GNA14: variants seen among roughly 807,000 people sequenced by gnomAD.
GNA14 encodes guanine nucleotide-binding protein subunit alpha-14.
In GNA14, 50 loss-of-function variants were observed where a neutral mutation model predicts 42.0. That is an observed-to-expected ratio of 1.19 (90% CI 0.95 to 1.51). The LOEUF is 1.51. GNA14 is among the 40% of genes most tolerant of loss of function. The probability of loss-of-function intolerance (pLI) is 0.00; values close to 1 mark genes in which losing one functional copy is unlikely to be tolerated. For synonymous variants in GNA14, 173 were observed against 163.1 expected (o/e 1.06, Z -0.46); for missense variants, 473 against 446.2 (o/e 1.06, Z -0.54).
At chr9:77,564,973 A>AC (rs1257545313) in intron 1 of GNA14, among the ~76,000 whole-genome samples, 50 of 152,246 alleles carry the variant, frequency 3.3e-4, no homozygotes, top group South Asian at 8.3e-4. Flanking sequence ...GTGAATATAC[A>AC]CATCTATGAA....
At chr9:77,615,509 T>C (rs1347865757) in intron 1 of GNA14, among the ~76,000 whole-genome samples, 2 of 152,128 alleles carry the variant, frequency 1.3e-5, no homozygotes, top group African/African-American at 4.8e-5. Flanking sequence ...ACATTCAGCA[T>C]GTACTTCCTT....
intron 1 of GNA14, among the ~76,000 whole-genome samples, chr9:77,621,295 A>T (rs540966303): frequency 6.6e-6 from 1 of 152,268 alleles, no homozygotes; most frequent in African/African-American, 2.4e-5. Context: ...AATGAAGATA[A>T]TTTTTTTGGA....
intron 2 of GNA14, among the ~76,000 whole-genome samples, chr9:77,445,396 G>A (rs946275681): frequency 2.0e-5 from 3 of 150,846 alleles, no homozygotes; most frequent in African/African-American, 4.9e-5. Flanking sequence ...GCGTGTATTC[G>A]GCCAGTGGAG....
intron 2 of GNA14, among the ~76,000 whole-genome samples, chr9:77,450,862 C>G (rs2131703707): frequency 6.6e-6 from 1 of 152,030 alleles, no homozygotes; most frequent in African/African-American, 2.4e-5. Flanking sequence ...GTGAATAAGG[C>G]TCACAAGATC....
At chr9:77,575,375 T>G (rs1267884065) in intron 1 of GNA14, among the ~76,000 whole-genome samples, 3 of 151,988 alleles carry the variant, frequency 2.0e-5, no homozygotes, top group Non-Finnish European at 2.9e-5. Context: ...AGAGTGAAAC[T>G]CCATCTCAAA....
chr9:77,519,666 GGAGGA>G (rs1195605785), intron 2 of GNA14, among the ~76,000 whole-genome samples: 2 of 152,070 alleles, frequency 1.3e-5, no homozygotes, highest in Non-Finnish European at 2.9e-5. Flanking sequence ...AGGTGGTGAG[GGAGGA>G]GAGATTACTT....
intron 1 of GNA14, among the ~76,000 whole-genome samples, chr9:77,641,485 C>G (rs879578974): frequency 1.3e-5 from 2 of 151,248 alleles, no homozygotes; most frequent in African/African-American, 4.9e-5. Flanking sequence ...CACAACAGCA[C>G]GTATCCAGTG....
intron 2 of GNA14, among the ~76,000 whole-genome samples, chr9:77,510,823 T>C (rs1276865938): frequency 6.6e-6 from 1 of 151,918 alleles, no homozygotes; most frequent in Non-Finnish European, 1.5e-5. Context: ...GGTTGGAAAG[T>C]TTCCATGCAG....
chr9:77,453,108 C>G (rs988279951), intron 2 of GNA14, among the ~76,000 whole-genome samples: 15 of 152,208 alleles, frequency 9.9e-5, no homozygotes, highest in African/African-American at 3.6e-4. Context: ...CCACTGCACT[C>G]TAGCCTGGGT....
chr9:77,446,410 C>T (rs1280156102), intron 2 of GNA14, among the ~76,000 whole-genome samples: 1 of 152,202 alleles, frequency 6.6e-6, no homozygotes, highest in East Asian at 1.9e-4. Flanking sequence ...AGGATGGCCG[C>T]GGGTCCAGTA....
At chr9:77,449,904 C>T (rs1265816632) in intron 2 of GNA14, among the ~76,000 whole-genome samples, 1 of 152,202 alleles carries the variant, frequency 6.6e-6, no homozygotes, top group Non-Finnish European at 1.5e-5. Context: ...TAGACATTCC[C>T]TGTGTGTGCC....
chr9:77,435,042 C>A (rs1007765084), intron 2 of GNA14, among the ~76,000 whole-genome samples: 1 of 112,342 alleles, frequency 8.9e-6, no homozygotes, highest in Admixed American at 9.7e-5. Context: ...GGATTTTGTT[C>A]TTTCATTTAA....
intron 2 of GNA14, among the ~76,000 whole-genome samples, chr9:77,479,482 C>G (rs1217199626): frequency 6.6e-6 from 1 of 152,142 alleles, no homozygotes; most frequent in Non-Finnish European, 1.5e-5. Context: ...GTTCTTTTGG[C>G]TTAGGATTGA....
At chr9:77,480,782 G>C (rs1836535884) in intron 2 of GNA14, among the ~76,000 whole-genome samples, 1 of 152,190 alleles carries the variant, frequency 6.6e-6, no homozygotes, top group Admixed American at 6.5e-5. Flanking sequence ...TTGGGAGGGT[G>C]TATGTGTTGA....
chr9:77,435,305 C>T (rs1003147897), intron 2 of GNA14, among the ~76,000 whole-genome samples: 10 of 151,770 alleles, frequency 6.6e-5, no homozygotes, highest in African/African-American at 2.4e-4. Context: ...TGCAGTGAGC[C>T]GAGATGGTGC....
intron 2 of GNA14, among the ~76,000 whole-genome samples, chr9:77,464,224 C>A (rs991943845): frequency 6.6e-6 from 1 of 152,170 alleles, no homozygotes; most frequent in African/African-American, 2.4e-5. Context: ...TGGTCTTGAA[C>A]TCCTGGCCTC....
chr9:77,634,572 C>G (rs563300560), intron 1 of GNA14, among the ~76,000 whole-genome samples: 3 of 151,940 alleles, frequency 2.0e-5, no homozygotes, highest in Admixed American at 6.6e-5. Flanking sequence ...TATTATTTTC[C>G]AAATCTCATC....
In GNA14 at chr9:77,446,457, T is replaced by C. The variant is rs375941527; in HGVS notation, c.310-11935A>G. 2.6e-5 allele frequency among the ~76,000 whole-genome samples: 4 copies of C among 152,210 alleles called. No individual in the cohort carries two copies. In the South Asian group the frequency reaches 8.3e-4, roughly 31 times the overall value. ...GCTTTCTTCCTGGGCTCGCGAGTCA[T>C]GCTGTGTCTCTCAGCCTTCCTGGCA... is the stretch of plus-strand genomic sequence containing the variant. On this transcript the variant is annotated intron_variant, in intron 2 of 6. Coordinates refer to ENST00000341700, the MANE Select transcript of GNA14 (RefSeq NM_004297.4).
rs374906409 is a variant in GNA14 at position 77,542,259 on chromosome 9, T to C, written c.125-13006A>G. ...ATATATGGCACTATGGCTTTGATTT[T>C]GGGTGCATGCAGTTAGTCCTTATAT... On this transcript the variant is annotated intron_variant, in intron 1 of 6. Coordinates refer to ENST00000341700, the MANE Select transcript of GNA14 (RefSeq NM_004297.4). 3.9e-5 allele frequency among the ~76,000 whole-genome samples: 6 copies of C among 152,342 alleles called. No homozygotes were observed. The South Asian group carries it at 1.0e-3, about 26-fold the overall frequency.
Sources: gnomAD v4.1 joint callset for allele counts (sites outside exome capture counted in the v4.1 genomes callset) on GRCh38, gnomAD v4.1.1 for gene constraint, MANE v1.5 for transcripts, NCBI Gene and HGNC (gene_info 2026-07-23, HGNC 2026-07-21) for gene names.